Variants in LARP4B observed in about 807,000 individuals in gnomAD.
The protein encoded by LARP4B is la-related protein 4B.
A neutral mutation model predicts 89.8 loss-of-function variants in LARP4B; 12 were observed. That is an observed-to-expected ratio of 0.13 (90% CI 0.09 to 0.22). The LOEUF (loss-of-function observed/expected upper bound fraction) is 0.22. Among genes scored for constraint, LARP4B ranks in the 10% least tolerant of loss-of-function variants. LARP4B has a pLI of 1.00. For synonymous variants in LARP4B, 367 were observed against 363.3 expected, an observed-to-expected ratio of 1.01 and a Z score of -0.12; for missense variants, 757 against 947.7, an observed-to-expected ratio of 0.80 and a Z score of 2.64.
At chr10:889,744 G>GT in intron 1 of LARP4B, among the ~76,000 whole-genome samples, 1 of 152,312 alleles carries the variant, frequency 6.6e-6, no homozygotes, top group Non-Finnish European at 1.5e-5. Flanking sequence ...GAGGTCAGGA[G>GT]TTCAAGACCA....
At chr10:959,784 CGTCATTCCCACCTCCT>C in the LARP4B span, among the ~76,000 whole-genome samples, 8 of 118,788 alleles carry the variant, frequency 6.7e-5, no homozygotes, top group South Asian at 6.3e-4. Flanking sequence ...CCCACCTCCT[CGTCATTCCCACCTCCT>C]CGTCATTCCC....
At chr10:837,605 A>G (rs1833292087) in intron 7 of LARP4B, among the ~76,000 whole-genome samples, 1 of 152,224 alleles carries the variant, frequency 6.6e-6, no homozygotes, top group Admixed American at 6.5e-5. Context: ...CAATCAGACA[A>G]GTAATCAAGG....
At chr10:876,554 C>T (rs1208314301) in intron 3 of LARP4B, among the ~76,000 whole-genome samples, 2 of 152,170 alleles carry the variant, frequency 1.3e-5, no homozygotes, top group African/African-American at 4.8e-5. Context: ...CACAGTGGAA[C>T]AGGGTTGGCT....
At chr10:976,518 G>A in the LARP4B span, among the ~76,000 whole-genome samples, 6 of 149,314 alleles carry the variant, frequency 4.0e-5, no homozygotes, top group Admixed American at 2.0e-4. Context: ...GGCCTGTTGC[G>A]TAATGTGCGG....
At chr10:917,327 C>T (rs773179494) in intron 1 of LARP4B, among the ~76,000 whole-genome samples, 14 of 152,286 alleles carry the variant, frequency 9.2e-5, no homozygotes, top group East Asian at 1.9e-4. Flanking sequence ...TACTCTCTAC[C>T]TTATTTCTCC....
the LARP4B span, among the ~76,000 whole-genome samples, chr10:974,148 G>C: frequency 1.3e-5 from 2 of 152,142 alleles, no homozygotes; most frequent in Non-Finnish European, 2.9e-5. Flanking sequence ...GTCTGGGAGA[G>C]CTGGTTTGGA....
chr10:939,042 A>T, the LARP4B span, among the ~76,000 whole-genome samples: 2 of 152,250 alleles, frequency 1.3e-5, no homozygotes, highest in Non-Finnish European at 2.9e-5. Context: ...CATGTTTTAA[A>T]TTCCCTATGG....
chr10:873,717 G>C (rs538823588), intron 3 of LARP4B, among the ~76,000 whole-genome samples: 1 of 152,160 alleles, frequency 6.6e-6, no homozygotes, highest in African/African-American at 2.4e-5. Flanking sequence ...AAAATAAATA[G>C]CAATAAAAAA....
At chr10:988,260 T>C in the LARP4B span, 6 of 564,456 alleles carry the variant, frequency 1.1e-5, no homozygotes, top group Admixed American at 3.2e-5. Context: ...TCCTCTCCTC[T>C]GTACCCTCGC....
At chr10:894,075 T>C (rs1402659042) in intron 1 of LARP4B, among the ~76,000 whole-genome samples, 1 of 152,092 alleles carries the variant, frequency 6.6e-6, no homozygotes, top group East Asian at 1.9e-4. Context: ...AATAATAAAG[T>C]CAATAATCAT....
At chr10:877,146 C>T (rs758716744) in intron 3 of LARP4B, among the ~76,000 whole-genome samples, 2 of 152,174 alleles carry the variant, frequency 1.3e-5, no homozygotes, top group African/African-American at 2.4e-5. Flanking sequence ...ATGTGATGGG[C>T]CTGTGATGGG....
intron 11 of LARP4B, among the ~76,000 whole-genome samples, chr10:827,022 C>T (rs939852591): frequency 6.6e-6 from 1 of 152,122 alleles, no homozygotes; most frequent in African/African-American, 2.4e-5. Context: ...TGCCTATAAC[C>T]CCAGCACTTT....
At chr10:887,272 G>A (rs529926898) in intron 1 of LARP4B, among the ~76,000 whole-genome samples, 2 of 152,220 alleles carry the variant, frequency 1.3e-5, no homozygotes, top group East Asian at 1.9e-4. Context: ...AACTTGCTGA[G>A]AGTATATTTT....
At chr10:821,901 T>C (rs1588855669) in intron 13 of LARP4B, among the ~76,000 whole-genome samples, 2 of 152,306 alleles carry the variant, frequency 1.3e-5, no homozygotes, top group South Asian at 4.1e-4. Flanking sequence ...CTATGGGACA[T>C]GGATGAGTAC....
the LARP4B span, among the ~76,000 whole-genome samples, chr10:952,323 G>C: frequency 8.2e-6 from 1 of 122,456 alleles, no homozygotes; most frequent in Non-Finnish European, 1.6e-5. Flanking sequence ...CTGGGTGACA[G>C]AGCGAGACTC....
At chr10:976,366 G>GA in the LARP4B span, among the ~76,000 whole-genome samples, 1 of 148,996 alleles carries the variant, frequency 6.7e-6, no homozygotes, top group African/African-American at 2.5e-5. Flanking sequence ...GTAATGTGTG[G>GA]CCCGGCTTAG....
intron 3 of LARP4B, among the ~76,000 whole-genome samples, chr10:878,064 T>C (rs1013333077): frequency 3.3e-5 from 5 of 152,044 alleles, no homozygotes; most frequent in Non-Finnish European, 7.4e-5. Flanking sequence ...CCAGAACCAA[T>C]TGAGGCAGAG....
At chr10:938,104 G>A in the LARP4B span, among the ~76,000 whole-genome samples, 146 of 152,020 alleles carry the variant, frequency 9.6e-4, no homozygotes, top group African/African-American at 3.5e-3. Flanking sequence ...GGCTGGTCTC[G>A]AACTCCTGGA....
chr10:944,068 G>C, the LARP4B span, among the ~76,000 whole-genome samples: 142 of 152,206 alleles, frequency 9.3e-4, 2 homozygotes, highest in Non-Finnish European at 3.2e-4. Context: ...AAGACACCTT[G>C]AATTTTGAGG....
Sources: allele counts gnomAD v4.1 joint callset (sites outside exome capture counted in the v4.1 genomes callset), GRCh38; gene constraint gnomAD v4.1.1; transcripts MANE v1.5; gene names NCBI Gene and HGNC (gene_info 2026-07-23, HGNC 2026-07-21).